Variants in SETBP1 observed in about 807,000 individuals in gnomAD.
SETBP1 encodes SET binding protein 1.
Under a neutral mutation model 101.0 loss-of-function variants are expected in SETBP1, and 9 were observed. The observed-to-expected ratio is 0.09, with a 90% CI of 0.05 to 0.16. The LOEUF (loss-of-function observed/expected upper bound fraction) is 0.16, where lower values mean the gene tolerates loss of function less well. Among genes scored for constraint, SETBP1 ranks in the 10% least tolerant of loss-of-function variants. The pLI is 1.00. For missense variants in SETBP1, 1,858 were observed against 2,033.8 expected (o/e 0.91, Z 1.66); for synonymous variants, 818 against 788.5 (o/e 1.04, Z -0.63).
chr18:45,021,579 G>A (rs895563475), intron 4 of SETBP1, among the ~76,000 whole-genome samples: 9 of 152,096 alleles, frequency 5.9e-5, no homozygotes, highest in Non-Finnish European at 1.2e-4. Context: ...TAGGAAATTT[G>A]GTGCTGGGAA....
rs1193602478 is a variant in SETBP1 at position 44,952,318 on chromosome 18, A to G, written c.2978A>G (p.Tyr993Cys). The stretch of plus-strand genomic sequence containing the variant: ...ATTTTTCGGATTAATTTTGATCACT[A>G]TTACCCGGTGCCATATATCCAGTAT... ...PSIFRINFDH[Y>C]YPVPYIQYDP... Residue 993 changes from tyrosine (Y) to cysteine (C), a missense_variant, in exon 4 of 6, where the codon TAT becomes TGT. Around this residue, in one of 12 missense-constraint regions of SETBP1, gnomAD observed 255 missense variants for 300.1 expected, o/e 0.85. Coordinates refer to ENST00000649279, the MANE Select transcript of SETBP1 (RefSeq NM_015559.3). The G allele has an allele frequency of 6.2e-7, 1 of 1,614,090 alleles. No homozygotes were observed. Among genetic ancestry groups the G allele is most frequent in the South Asian group, 1.1e-5 (1 of 91,060 alleles).
chr18:44,907,539 A>G (rs1270798663), intron 3 of SETBP1, among the ~76,000 whole-genome samples: 1 of 152,190 alleles, frequency 6.6e-6, no homozygotes, highest in Non-Finnish European at 1.5e-5. Context: ...CTGTTTTATT[A>G]TGGCCACCCT....
At chr18:44,871,954 G>T (rs2069286394) in intron 3 of SETBP1, 1 of 152,160 alleles carries the variant, frequency 6.6e-6, no homozygotes, top group Non-Finnish European at 1.5e-5. Context: ...GGCACAGATG[G>T]AAAAGCTTCT....
chr18:44,832,806 C>T (rs771313695), intron 2 of SETBP1, among the ~76,000 whole-genome samples: 4 of 152,236 alleles, frequency 2.6e-5, no homozygotes, highest in African/African-American at 7.2e-5. Context: ...ACACACTACT[C>T]GATCTAGGCT....
chr18:44,941,240 C>A (rs1182799885), intron 3 of SETBP1, among the ~76,000 whole-genome samples: 3 of 151,856 alleles, frequency 2.0e-5, no homozygotes, highest in Admixed American at 1.3e-4. Flanking sequence ...CACCACAACA[C>A]CCTGCTAAAT....
intron 3 of SETBP1, among the ~76,000 whole-genome samples, chr18:44,913,616 A>G (rs1270261695): frequency 6.6e-6 from 1 of 152,166 alleles, no homozygotes; most frequent in Non-Finnish European, 1.5e-5. Flanking sequence ...GTAGTAACAA[A>G]AGTGGTTTCC....
intron 3 of SETBP1, among the ~76,000 whole-genome samples, chr18:44,897,614 G>T (rs577509559): frequency 1.6e-4 from 24 of 152,148 alleles, no homozygotes; most frequent in South Asian, 6.2e-4. Flanking sequence ...CTGCAGGTGC[G>T]TCTGTGAGAG....
chr18:45,062,173 T>G (rs979160221), intron 5 of SETBP1, among the ~76,000 whole-genome samples: 5 of 152,234 alleles, frequency 3.3e-5, no homozygotes, highest in Non-Finnish European at 7.3e-5. Context: ...AACTAAGCAG[T>G]TCTGAAGGCC....
chr18:44,953,408 C>A, intron 4 of SETBP1, 68 bp downstream of exon 4: 1 of 1,361,664 alleles, frequency 7.3e-7, no homozygotes, highest in Non-Finnish European at 1.0e-6. Flanking sequence ...ACCTCAGACA[C>A]ATCTGTGGCA....
chr18:44,690,367 T>G (rs573170982), intron 1 of SETBP1, among the ~76,000 whole-genome samples: 1 of 152,370 alleles, frequency 6.6e-6, no homozygotes, highest in Non-Finnish European at 1.5e-5. Context: ...CAGATTACAC[T>G]TTATGTTCAA....
At chr18:44,682,637 G>A (rs995383013) in intron 1 of SETBP1, among the ~76,000 whole-genome samples, 1 of 152,176 alleles carries the variant, frequency 6.6e-6, no homozygotes, top group African/African-American at 2.4e-5. Context: ...CCAGAAAAGG[G>A]TATTAAGACA....
intron 2 of SETBP1, among the ~76,000 whole-genome samples, chr18:44,703,847 G>T (rs1050801391): frequency 8.5e-5 from 13 of 152,166 alleles, no homozygotes; most frequent in African/African-American, 3.1e-4. Flanking sequence ...TTCAAATCAG[G>T]CTCTGAAAGT....
intron 5 of SETBP1, among the ~76,000 whole-genome samples, chr18:45,046,895 G>A (rs1189686822): frequency 2.0e-5 from 3 of 152,178 alleles, no homozygotes; most frequent in Non-Finnish European, 4.4e-5. Flanking sequence ...ACGATGCTGG[G>A]TGCTTAGTAG....
At chr18:44,876,777 C>T (rs1889745178) in intron 3 of SETBP1, 1 of 1,489,206 alleles carries the variant, frequency 6.7e-7, no homozygotes, top group African/African-American at 1.4e-5. Flanking sequence ...CTGCAAAGCC[C>T]ACACCTGTGG....
intron 2 of SETBP1, among the ~76,000 whole-genome samples, chr18:44,834,971 T>A (rs1228503351): frequency 6.6e-6 from 1 of 152,128 alleles, no homozygotes; most frequent in Non-Finnish European, 1.5e-5. Flanking sequence ...TATGGCTGGC[T>A]TATGAAGTAT....
chr18:44,896,942 T>TCA (rs138643380), intron 3 of SETBP1, among the ~76,000 whole-genome samples: 522 of 151,848 alleles, frequency 3.4e-3, no homozygotes, highest in African/African-American at 0.012. Context: ...AACTGTACCA[T>TCA]CACACACACA....
At chr18:44,747,212 C>T (rs968014897) in intron 2 of SETBP1, among the ~76,000 whole-genome samples, 4 of 152,196 alleles carry the variant, frequency 2.6e-5, no homozygotes, top group Non-Finnish European at 5.9e-5. Flanking sequence ...TTCAGGGATA[C>T]CTTCATGACC....
At chr18:44,905,713 G>T (rs1288006314) in intron 3 of SETBP1, among the ~76,000 whole-genome samples, 1 of 152,180 alleles carries the variant, frequency 6.6e-6, no homozygotes, top group Non-Finnish European at 1.5e-5. Flanking sequence ...TCTGATTCAA[G>T]GACTCCTCAT....
intron 4 of SETBP1, among the ~76,000 whole-genome samples, chr18:44,979,243 A>T (rs2145227281): frequency 6.6e-6 from 1 of 152,342 alleles, no homozygotes; most frequent in Admixed American, 6.5e-5. Context: ...GGTCAACTCC[A>T]GTATGTTTAA....
Sources: gnomAD v4.1 joint callset for allele counts (sites outside exome capture counted in the v4.1 genomes callset) on GRCh38, gnomAD v4.1.1 for gene constraint, gnomAD v4.1.1 regional missense constraint, MANE v1.5 for transcripts, NCBI Gene and HGNC (gene_info 2026-07-23, HGNC 2026-07-21) for gene names.